EPC1: variants seen among roughly 807,000 people sequenced by gnomAD.
EPC1 encodes the protein enhancer of polycomb 1, also known as enhancer of polycomb homolog 1.
A neutral mutation model predicts 98.4 loss-of-function variants in EPC1; 12 were observed. That is an observed-to-expected ratio of 0.12 (90% CI 0.08 to 0.20). The LOEUF (loss-of-function observed/expected upper bound fraction) is 0.20, where lower values mean the gene tolerates loss of function less well. EPC1 is among the 10% of genes least tolerant of loss of function. The probability of loss-of-function intolerance (pLI) is 1.00; values close to 1 mark genes in which losing one functional copy is unlikely to be tolerated. For missense variants in EPC1, 729 were observed against 990.5 expected, an observed-to-expected ratio of 0.74 and a Z score of 3.54; for synonymous variants, 357 against 363.9, an observed-to-expected ratio of 0.98 and a Z score of 0.21.
chr10:32,307,367 T>G (rs1321693080), intron 1 of EPC1, among the ~76,000 whole-genome samples: 1 of 152,234 alleles, frequency 6.6e-6, no homozygotes, highest in African/African-American at 2.4e-5. Flanking sequence ...TCTAAGGTTG[T>G]AACAACACAT....
intron 1 of EPC1, among the ~76,000 whole-genome samples, chr10:32,367,328 C>T (rs1839630463): frequency 6.6e-6 from 1 of 152,180 alleles, no homozygotes; most frequent in Admixed American, 6.6e-5. Context: ...TGGCATGAGC[C>T]ACCGTCCCCG....
In EPC1 at chr10:32,269,100, T is replaced by C. The variant is rs780070030; in HGVS notation, c.2405A>G (p.Asn802Ser). 4 of 1,613,968 alleles carry C rather than the reference T, an allele frequency of 2.5e-6. No homozygotes were observed. The highest frequency in any genetic ancestry group is 3.4e-6 in the Non-Finnish European group (4 of 1,179,974). Residue 802 changes from asparagine to serine, a missense_variant, in exon 14 of 14, where the codon AAC (asparagine) becomes AGC (serine). By Grantham distance (46) the Asn-to-Ser change is conservative (BLOSUM62 1). Transcript: ENST00000319778. ...CATCGCTACTGTGTTGTCTGCTATGTTGTTCAGTGCTGGCTTTTCTGATTC... is the reference window on the plus strand; with the variant it reads ...CATCGCTACTGTGTTGTCTGCTATGCTGTTCAGTGCTGGCTTTTCTGATTC... Reference protein sequence around the residue: ...NHESEKPALNNIADNTVAMEV... With the variant: ...NHESEKPALNSIADNTVAMEV...
At chr10:32,351,547 A>G (rs1839109612), upstream of EPC1, among the ~76,000 whole-genome samples, 1 of 151,430 alleles carries the variant, frequency 6.6e-6, no homozygotes, top group Non-Finnish European at 1.5e-5. Context: ...AATCCCAGCT[A>G]CTCAGGAGGC....
intron 1 of EPC1, among the ~76,000 whole-genome samples, chr10:32,367,576 G>T (rs1839636558): frequency 6.6e-6 from 1 of 152,060 alleles, no homozygotes; most frequent in Admixed American, 6.5e-5. Flanking sequence ...CTTTTTAAAT[G>T]ATATATTTTT....
intron 1 of EPC1, among the ~76,000 whole-genome samples, chr10:32,366,318 G>C (rs1839603691): frequency 6.6e-6 from 1 of 152,098 alleles, no homozygotes; most frequent in Non-Finnish European, 1.5e-5. Context: ...TGCCGTTAGT[G>C]AACTTACTTC....
rs192636906 is a variant in EPC1 at position 32,271,049 on chromosome 10, G to T, written c.2369+505C>A. On this transcript the variant is annotated intron_variant, in intron 13 of 13. Transcript: ENST00000319778. ...TAGCTCTTGTTGCCCTGGCCAGAGT[G>T]CAATGGTGCGATCTTGGTTGCAACC... Among the ~76,000 whole-genome samples the T allele has an allele frequency of 6.0e-5, 9 of 151,228 alleles. No individual in the cohort carries two copies. The East Asian group carries it at 1.8e-3, about 30-fold the overall frequency.
chr10:32,272,435 T>C (rs866522791), intron 11 of EPC1, among the ~76,000 whole-genome samples: 2 of 152,184 alleles, frequency 1.3e-5, no homozygotes, highest in East Asian at 1.9e-4. Flanking sequence ...AAATAAGCCT[T>C]CTATAATGTG....
chr10:32,316,392 A>G (rs1050940170), intron 1 of EPC1, among the ~76,000 whole-genome samples: 1 of 152,234 alleles, frequency 6.6e-6, no homozygotes, highest in African/African-American at 2.4e-5. Context: ...AGCTTTATTC[A>G]TAATGGGCCC....
At chr10:32,292,754 CAATA>C in intron 4 of EPC1, 110 bp from the exon 5 acceptor site, 1 of 1,127,814 alleles carries the variant, frequency 8.9e-7, no homozygotes, top group Non-Finnish European at 1.2e-6. Context: ...AATTTAAAGA[CAATA>C]AAAGGGAGCA....
intron 1 of EPC1, among the ~76,000 whole-genome samples, chr10:32,352,844 G>C (rs1318117872): frequency 6.6e-6 from 1 of 152,150 alleles, no homozygotes; most frequent in Non-Finnish European, 1.5e-5. Flanking sequence ...GCTGATAAGA[G>C]GCAGTGCTTA....
intron 1 of EPC1, among the ~76,000 whole-genome samples, chr10:32,344,592 T>A (rs901448803): frequency 2.7e-5 from 4 of 150,650 alleles, no homozygotes; most frequent in Admixed American, 2.6e-4. Context: ...TCAAAACCAG[T>A]CTGGCCAACA....
intron 1 of EPC1, among the ~76,000 whole-genome samples, chr10:32,371,359 T>C (rs1448947217): frequency 1.3e-5 from 2 of 152,138 alleles, no homozygotes; most frequent in East Asian, 3.9e-4. Flanking sequence ...GGATACTATG[T>C]CCTACTAGTG....
upstream of EPC1, among the ~76,000 whole-genome samples, chr10:32,351,598 C>T (rs1839111377): frequency 6.7e-6 from 1 of 149,244 alleles, no homozygotes; most frequent in Non-Finnish European, 1.5e-5. Context: ...GTGGAGGTTG[C>T]AGTGAGCCGA....
chr10:32,275,446 A>G (rs2132651002), intron 10 of EPC1, among the ~76,000 whole-genome samples: 1 of 152,194 alleles, frequency 6.6e-6, no homozygotes, highest in Non-Finnish European at 1.5e-5. Flanking sequence ...AGCCTGGGCA[A>G]GATGGTGAAA....
chr10:32,280,150 C>G, intron 10 of EPC1, among the ~76,000 whole-genome samples: 1 of 152,210 alleles, frequency 6.6e-6, no homozygotes, highest in Non-Finnish European at 1.5e-5. Flanking sequence ...ATGCACTTTA[C>G]TAAAATGTAC....
chr10:32,287,841 T>C (rs1286454866), intron 6 of EPC1, among the ~76,000 whole-genome samples: 2 of 152,278 alleles, frequency 1.3e-5, no homozygotes, highest in African/African-American at 2.4e-5. Flanking sequence ...ATGGTGACTT[T>C]TGAACAGTTT....
chr10:32,292,920 TGA>T, intron 4 of EPC1, 66 bp downstream of exon 4: 1 of 1,049,134 alleles, frequency 9.5e-7, no homozygotes, highest in Non-Finnish European at 1.3e-6. Context: ...ACCACAGTAT[TGA>T]GACAGTCATA....
At chr10:32,341,506 A>C (rs1411425096) in intron 1 of EPC1, among the ~76,000 whole-genome samples, 1 of 152,214 alleles carries the variant, frequency 6.6e-6, no homozygotes, top group South Asian at 2.1e-4. Context: ...TCGTTTACAA[A>C]ATTTAAGCTA....
intron 1 of EPC1, among the ~76,000 whole-genome samples, chr10:32,342,468 A>G (rs1264594953): frequency 6.6e-6 from 1 of 152,206 alleles, no homozygotes; most frequent in East Asian, 1.9e-4. Context: ...TCCACTTCTT[A>G]TAAATAGTTC....
Sources: gnomAD v4.1 joint callset for allele counts (sites outside exome capture counted in the v4.1 genomes callset) on GRCh38, gnomAD v4.1.1 for gene constraint, MANE v1.5 for transcripts, NCBI Gene and HGNC (gene_info 2026-07-23, HGNC 2026-07-21) for gene names.